The following RASA1 variants were observed in gnomAD, a reference collection of about 807,000 sequenced individuals.
RASA1 encodes the protein ras GTPase-activating protein 1.
In RASA1, 25 loss-of-function variants were observed where a neutral mutation model predicts 132.2. The observed-to-expected ratio is 0.19, with a 90% CI of 0.14 to 0.26. RASA1 has a LOEUF of 0.26. Among genes scored for constraint, RASA1 ranks in the 10% least tolerant of loss-of-function variants. The probability of loss-of-function intolerance (pLI) is 1.00; values close to 1 mark genes in which losing one functional copy is unlikely to be tolerated. For synonymous variants in RASA1, 477 were observed against 449.9 expected (o/e 1.06, Z -0.76); for missense variants, 964 against 1,299.2 (o/e 0.74, Z 3.97).
In RASA1 at chr5:87,390,853, C is replaced by G. The variant is rs1249090220; in HGVS notation, c.3114C>G (p.Asn1038Lys). Residue 1038 changes from asparagine (N) to lysine (K), a missense_variant, in exon 25 of 25, where the codon AAC (asparagine) becomes AAG (lysine). Physicochemically the swap from Asn to Lys is moderately conservative, Grantham distance 94. Coordinates refer to ENST00000274376, the MANE Select transcript of RASA1 (RefSeq NM_002890.3). Reference protein sequence around the residue: ...AITELLQQKQNQYTKTNDVR With the variant: ...AITELLQQKQKQYTKTNDVR ...CAGAACTGCTTCAACAAAAACAAAACCAGTATACAAAAACCAATGATGTCA... is the reference window on the plus strand; with the variant it reads ...CAGAACTGCTTCAACAAAAACAAAAGCAGTATACAAAAACCAATGATGTCA... The G allele has an allele frequency of 6.2e-7, 1 of 1,613,534 alleles. No homozygotes were observed. Among genetic ancestry groups the G allele is most frequent in the Admixed American group, 1.7e-5 (1 of 60,014 alleles).
At position 87,332,561 on chromosome 5, in the gene RASA1, G is replaced by A; in HGVS notation, c.747G>A (p.Leu249=). 1.2e-6 allele frequency: 2 copies of A among 1,608,070 alleles called. No individual in the cohort carries two copies. The highest frequency in any genetic ancestry group is 8.5e-7 in the Non-Finnish European group (1 of 1,174,976). The change falls in exon 3 of 25, where the codon CTG becomes CTA. Residue 249 remains leucine (L), a synonymous_variant. Transcript: ENST00000274376. ...YYIGGRRFSS[L]SDLIGYYSHV... is the part of the protein sequence containing the mutation. ...TTGGTGGAAGACGTTTTTCTTCACT[G>A]TCAGACCTAATAGGTTATTACAGTC...
intron 14 of RASA1, 42 bp downstream of exon 14, chr5:87,374,362 C>G: frequency 6.4e-7 from 1 of 1,553,326 alleles, no homozygotes; most frequent in Non-Finnish European, 8.8e-7. Context: ...TTTCTTTTAC[C>G]ATATTGCATT....
intron 1 of RASA1, among the ~76,000 whole-genome samples, chr5:87,275,917 C>T (rs1351781091): frequency 6.6e-6 from 1 of 152,140 alleles, no homozygotes; most frequent in African/African-American, 2.4e-5. Context: ...CGTGAAAGAC[C>T]TTTCCAAGCC....
chr5:87,294,881 T>A (rs1755053077), intron 1 of RASA1, among the ~76,000 whole-genome samples: 1 of 152,246 alleles, frequency 6.6e-6, no homozygotes. Flanking sequence ...AAAGTGCTGC[T>A]GAGTTAAACT....
chr5:87,271,005 G>C (rs1271526378), intron 1 of RASA1, among the ~76,000 whole-genome samples: 1 of 152,122 alleles, frequency 6.6e-6, no homozygotes, highest in Non-Finnish European at 1.5e-5. Flanking sequence ...TCGGGAGGCC[G>C]AGGCGGGTGG....
In RASA1 at chr5:87,389,058, A is replaced by G. The variant is rs1034291620; in HGVS notation, c.2926-335A>G. ...TTTACCATCATTAATACTGAATATT[A>G]TATTTCAATAAGAATCTTTAGAATT... On this transcript the variant is annotated intron_variant, in intron 23 of 24. Coordinates refer to ENST00000274376, the MANE Select transcript of RASA1 (RefSeq NM_002890.3). Among the ~76,000 whole-genome samples the G allele has an allele frequency of 4.6e-5, 7 of 152,308 alleles. No homozygotes were observed. In the South Asian group the frequency reaches 1.4e-3, roughly 32 times the overall value.
intron 24 of RASA1, 81 bp downstream of exon 24, chr5:87,389,608 A>G (rs1762331965): frequency 6.5e-7 from 1 of 1,541,994 alleles, no homozygotes; most frequent in Non-Finnish European, 8.9e-7. Context: ...AATTCTGGTT[A>G]ACATTTTTAT....
intron 1 of RASA1, among the ~76,000 whole-genome samples, chr5:87,298,920 G>A (rs780253331): frequency 3.9e-5 from 6 of 152,150 alleles, no homozygotes; most frequent in Non-Finnish European, 7.4e-5. Context: ...AGGAATTGGC[G>A]TTCTGTGACT....
chr5:87,275,029 CAG>C (rs934189787), intron 1 of RASA1, among the ~76,000 whole-genome samples: 14 of 152,122 alleles, frequency 9.2e-5, no homozygotes, highest in African/African-American at 3.4e-4. Context: ...CTGGGGAAAA[CAG>C]GCAAACATTA....
At chr5:87,296,116 CTT>C (rs542473809) in intron 1 of RASA1, among the ~76,000 whole-genome samples, 1 of 146,214 alleles carries the variant, frequency 6.8e-6, no homozygotes, top group East Asian at 2.0e-4. Context: ...TACAACCAGC[CTT>C]TTTTTTTTTC....
At position 87,338,920 on chromosome 5, in the gene RASA1, G is replaced by T. The variant is rs531175115; in HGVS notation, c.1017+829G>T. ...TTCCATCATATAATACGTTATCATG[G>T]TATCAATTACCAGGTGCATTTTTAA... is the stretch of plus-strand genomic sequence containing the variant. On this transcript the variant is annotated intron_variant, in intron 5 of 24. Coordinates refer to ENST00000274376, the MANE Select transcript of RASA1 (RefSeq NM_002890.3). Among the ~76,000 whole-genome samples, 4 of 151,934 alleles carry T rather than the reference G, an allele frequency of 2.6e-5. No homozygotes were observed. The East Asian group carries it at 7.7e-4, about 29-fold the overall frequency.
intron 18 of RASA1, among the ~76,000 whole-genome samples, chr5:87,379,312 C>G (rs958905541): frequency 1.3e-5 from 2 of 152,132 alleles, no homozygotes; most frequent in Non-Finnish European, 2.9e-5. Flanking sequence ...TAGAGATAGG[C>G]TACGGAATTC....
chr5:87,308,951 A>C (rs564890860), intron 1 of RASA1, among the ~76,000 whole-genome samples: 1 of 152,286 alleles, frequency 6.6e-6, no homozygotes, highest in African/African-American at 2.4e-5. Flanking sequence ...ATTTCTTAGA[A>C]TGTATCCCTG....
intron 6 of RASA1, among the ~76,000 whole-genome samples, chr5:87,342,830 T>A (rs973128461): frequency 1.3e-5 from 2 of 152,166 alleles, no homozygotes; most frequent in African/African-American, 4.8e-5. Flanking sequence ...ACCATAAATC[T>A]AGGTTTTTTT....
intron 1 of RASA1, 49 bp downstream of exon 1, chr5:87,269,039 G>T: frequency 6.2e-7 from 1 of 1,614,246 alleles, no homozygotes; most frequent in Non-Finnish European, 8.5e-7. Context: ...CTCCAGAAAA[G>T]AAGTGGAAAT....
At chr5:87,320,212 T>C (rs1280498624) in intron 1 of RASA1, among the ~76,000 whole-genome samples, 1 of 152,204 alleles carries the variant, frequency 6.6e-6, no homozygotes, top group East Asian at 1.9e-4. Flanking sequence ...AGCAAGTCTC[T>C]AGGAAGTCTG....
At chr5:87,299,255 G>A (rs374801220) in intron 1 of RASA1, among the ~76,000 whole-genome samples, 1 of 152,194 alleles carries the variant, frequency 6.6e-6, no homozygotes, top group South Asian at 2.1e-4. Flanking sequence ...GTAATAGCAA[G>A]TAGTTAAGTT....
At chr5:87,312,448 T>G (rs1469516312) in intron 1 of RASA1, among the ~76,000 whole-genome samples, 1 of 152,228 alleles carries the variant, frequency 6.6e-6, no homozygotes, top group African/African-American at 2.4e-5. Context: ...ATTTTTAAAT[T>G]AATTTCTAAA....
chr5:87,391,447 C>G lies in RASA1; in HGVS notation c.*564C>G. Reference sequence around the variant, plus strand: ...CTGTATACTTTTAAAAAATACTCTGCTATTTCTCTTGCTGGAACTGTTGAA... The same window carrying G: ...CTGTATACTTTTAAAAAATACTCTGGTATTTCTCTTGCTGGAACTGTTGAA... On this transcript the variant is annotated 3_prime_UTR_variant, in exon 25 of 25. Transcript: ENST00000274376. 4.1e-6 allele frequency: 1 copy of G among 242,330 alleles called. No individual in the cohort carries two copies. The highest frequency in any genetic ancestry group is 1.5e-4 in the South Asian group (1 of 6,836). The allele number at this position is 242,330 out of a possible 1,614,324, so 15.0% of individuals were successfully genotyped here. A position where few individuals can be genotyped will look rare whatever the true frequency, so the allele number is the denominator to read the frequency against.
Sources: gnomAD v4.1 joint callset for allele counts (sites outside exome capture counted in the v4.1 genomes callset) on GRCh38, gnomAD v4.1.1 for gene constraint, MANE v1.5 for transcripts, NCBI Gene and HGNC (gene_info 2026-07-23, HGNC 2026-07-21) for gene names.